Variants in CNOT9 observed in about 807,000 individuals in gnomAD.
CNOT9 encodes RCD1 required for cell differentiation1 homolog.
In CNOT9, 8 loss-of-function variants were observed where a neutral mutation model predicts 37.4. The ratio of observed to expected loss-of-function variants is 0.21; its 90% CI spans 0.13 to 0.39. CNOT9 has a LOEUF of 0.39. CNOT9 is among the 10% of genes least tolerant of loss of function. The probability of loss-of-function intolerance (pLI) is 1.00; values close to 1 mark genes in which losing one functional copy is unlikely to be tolerated. For missense variants in CNOT9, 154 were observed against 365.3 expected (o/e 0.42, Z 4.71); for synonymous variants, 120 against 137.6 (o/e 0.87, Z 0.90).
At chr2:218,581,953 A>G (rs1694400271) in intron 2 of CNOT9, among the ~76,000 whole-genome samples, 1 of 151,798 alleles carries the variant, frequency 6.6e-6, no homozygotes, top group Non-Finnish European at 1.5e-5. Context: ...TTGGTGGTAC[A>G]CTCCTGTAAT....
At chr2:218,574,554 G>A (rs1258243555) in intron 1 of CNOT9, among the ~76,000 whole-genome samples, 4 of 152,142 alleles carry the variant, frequency 2.6e-5, no homozygotes, top group African/African-American at 4.8e-5. Context: ...AGAACTCATC[G>A]ATTCTAGAGA....
intron 5 of CNOT9, among the ~76,000 whole-genome samples, chr2:218,588,314 A>T (rs1288833122): frequency 7.1e-6 from 1 of 140,904 alleles, no homozygotes; most frequent in East Asian, 2.1e-4. Flanking sequence ...TCTGAGATGG[A>T]GTCTTGCTGT....
chr2:218,584,815 A>G (rs979912115), intron 4 of CNOT9, 94 bp downstream of exon 4: 28 of 867,112 alleles, frequency 3.2e-5, no homozygotes, highest in Non-Finnish European at 4.5e-5. Context: ...TTTGTACACC[A>G]GTCATTCATT....
At chr2:218,593,485 G>C in intron 7 of CNOT9, 1 of 1,246,176 alleles carries the variant, frequency 8.0e-7, no homozygotes, top group South Asian at 1.7e-5. Flanking sequence ...CTATAACTTT[G>C]TTTAAAATAG....
Position 218,580,892 on chromosome 2 carries a change from G to A in CNOT9, c.204+152G>A, listed in dbSNP as rs183957340. On this transcript the variant is annotated intron_variant, in intron 2 of 7. Transcript: ENST00000273064. ...TGTTTTAGAAAGGTCTGAGGTATTTGTTAAAATGCAGATTCTTGGATCCTT... is the reference window on the plus strand; with the variant it reads ...TGTTTTAGAAAGGTCTGAGGTATTTATTAAAATGCAGATTCTTGGATCCTT... 211 of 760,618 alleles carry A rather than the reference G, an allele frequency of 2.8e-4. No homozygotes were observed. The African/African-American group carries it at 3.3e-3, about 12-fold the overall frequency. The allele number at this position is 760,618 out of a possible 1,614,324, so 47.1% of individuals were successfully genotyped here. A position where few individuals can be genotyped will look rare whatever the true frequency, so the allele number is the denominator to read the frequency against.
rs1401083549 is a variant in CNOT9 at position 218,568,953 on chromosome 2, A to G, written c.-2A>G. 2 of 1,609,754 alleles carry G rather than the reference A, an allele frequency of 1.2e-6. No individual in the cohort carries two copies. Among genetic ancestry groups the G allele is most frequent in the Non-Finnish European group, 1.7e-6 (2 of 1,178,292 alleles). On this transcript the variant is annotated 5_prime_UTR_variant, in exon 1 of 8. Coordinates refer to ENST00000273064, the MANE Select transcript of CNOT9 (RefSeq NM_005444.3). ...TGGAAGAGAGCGGCGGCCGCTCACA[A>G]CATGCACAGCCTGGCGACGGCTGCG...
At position 218,595,404 on chromosome 2, in the gene CNOT9, C is replaced by CTTTTTTTTTTTTT. The variant is rs57839540; in HGVS notation, c.*1144_*1156dup. ...GAGGGCTGGGTTCTGCTCACTCAGT[C>CTTTTTTTTTTTTT]TTTTTTTTTTTTTTTTTTTTTTTTT... On this transcript the variant is annotated 3_prime_UTR_variant, in exon 8 of 8. Coordinates refer to ENST00000273064, the MANE Select transcript of CNOT9 (RefSeq NM_005444.3). 3.1e-4 allele frequency: 16 copies of CTTTTTTTTTTTTT among 50,940 alleles called. 1 individual carries two copies. The highest frequency in any genetic ancestry group is 1.4e-3 in the South Asian group (1 of 702). 3.2% of individuals were successfully genotyped at this position (50,940 alleles called of 1,614,324 possible). A position where few individuals can be genotyped will look rare whatever the true frequency, so the allele number is the denominator to read the frequency against.
chr2:218,568,902 G>A lies in CNOT9; in HGVS notation c.-53G>A. The stretch of plus-strand genomic sequence containing the variant: ...TTCCGCTGCAGGGGTGCTGAAGGGG[G>A]GACGCGGGTCGGACGCGTCCGGCTG... On this transcript the variant is annotated 5_prime_UTR_variant, in exon 1 of 8. Transcript: ENST00000273064. 2 of 1,587,928 alleles carry A rather than the reference G, an allele frequency of 1.3e-6. No individual in the cohort carries two copies. Among genetic ancestry groups the A allele is most frequent in the South Asian group, 1.1e-5 (1 of 88,556 alleles).
chr2:218,594,587 C>A lies in CNOT9; in HGVS notation c.*311C>A. On this transcript the variant is annotated 3_prime_UTR_variant, in exon 8 of 8. Transcript: ENST00000273064. ...GCATGTCCAAGATGACCCTTCTCCC[C>A]TACCTCTACCTAGCCACTGGCAGGG... is the stretch of plus-strand genomic sequence containing the variant. The A allele has an allele frequency of 3.1e-6, 1 of 322,442 alleles. No individual in the cohort carries two copies. The highest frequency in any genetic ancestry group is 5.2e-5 in the South Asian group (1 of 19,280). The allele number at this position is 322,442 out of a possible 1,614,324, so 20.0% of individuals were successfully genotyped here.
intron 1 of CNOT9, among the ~76,000 whole-genome samples, chr2:218,578,226 T>C (rs1694236717): frequency 6.6e-6 from 1 of 152,258 alleles, no homozygotes; most frequent in African/African-American, 2.4e-5. Flanking sequence ...CAGATTACTG[T>C]AAGGCACTTA....
intron 7 of CNOT9, chr2:218,593,856 T>A: frequency 8.2e-7 from 1 of 1,219,014 alleles, no homozygotes; most frequent in Non-Finnish European, 1.1e-6. Context: ...AAGTAAACTA[T>A]TGAACCTTTT....
At position 218,596,992 on chromosome 2, in the gene CNOT9, A is replaced by G. The variant is rs999223054; in HGVS notation, c.*2716A>G. 8.5e-5 allele frequency: 13 copies of G among 152,102 alleles called. No homozygotes were observed. Among genetic ancestry groups the G allele is most frequent in the African/African-American group, 2.7e-4 (11 of 41,398 alleles). 9.4% of individuals were successfully genotyped at this position (152,102 alleles called of 1,614,324 possible). A position where few individuals can be genotyped will look rare whatever the true frequency, so the allele number is the denominator to read the frequency against. The stretch of plus-strand genomic sequence containing the variant: ...AGCATGCCTTGCTTACTAACTACAT[A>G]TTATTCCTCTGCTCATTGTTCCTGC... On this transcript the variant is annotated 3_prime_UTR_variant, in exon 8 of 8. Transcript: ENST00000273064.
intron 1 of CNOT9, among the ~76,000 whole-genome samples, chr2:218,579,562 C>A (rs1318738721): frequency 6.6e-6 from 1 of 152,192 alleles, no homozygotes; most frequent in Non-Finnish European, 1.5e-5. Flanking sequence ...TCTCGGCTCA[C>A]TGCAACCTCC....
rs753813751 is a variant in CNOT9 at position 218,594,162 on chromosome 2, C to T, written c.786C>T (p.Phe262=). 1.9e-5 allele frequency: 31 copies of T among 1,614,130 alleles called. No individual in the cohort carries two copies. The highest frequency in any genetic ancestry group is 2.5e-5 in the Non-Finnish European group (29 of 1,180,054). ...CTGACCAGCTGAAAGACACAACCTT[C>T]GCCCAGGTGCTAAAAGATGACACCA... The part of the protein sequence containing the change: ...CLPDQLKDTT[F]AQVLKDDTTT... The change falls in exon 8 of 8, where the codon TTC becomes TTT. Residue 262 remains phenylalanine, a synonymous_variant. Transcript: ENST00000273064.
At chr2:218,577,229 A>T (rs1694203849) in intron 1 of CNOT9, among the ~76,000 whole-genome samples, 1 of 152,140 alleles carries the variant, frequency 6.6e-6, no homozygotes, top group Non-Finnish European at 1.5e-5. Flanking sequence ...TTTTATTTTT[A>T]AAAAATTGTA....
intron 1 of CNOT9, among the ~76,000 whole-genome samples, chr2:218,570,327 A>C (rs1342528696): frequency 6.6e-6 from 1 of 152,216 alleles, no homozygotes; most frequent in Admixed American, 6.5e-5. Flanking sequence ...AAATTGCCAT[A>C]CGTTTAAGTA....
At chr2:218,585,558 G>T (rs2106092211) in intron 4 of CNOT9, among the ~76,000 whole-genome samples, 1 of 135,566 alleles carries the variant, frequency 7.4e-6, no homozygotes, top group South Asian at 2.6e-4. Context: ...TCCAGCCTGG[G>T]CGGCAGAGGG....
chr2:218,585,405 TA>T, intron 4 of CNOT9, among the ~76,000 whole-genome samples: 1 of 151,500 alleles, frequency 6.6e-6, no homozygotes, highest in East Asian at 1.9e-4. Context: ...TAGTCTCTAC[TA>T]AAAAAATAAT....
In CNOT9 at chr2:218,592,422, C is replaced by G; in HGVS notation, c.639+20C>G. 1 of 1,575,182 alleles carries G rather than the reference C, an allele frequency of 6.3e-7. No homozygotes were observed. The highest frequency in any genetic ancestry group is 8.7e-7 in the Non-Finnish European group (1 of 1,144,768). On this transcript the variant is annotated intron_variant, in intron 6 of 7. Coordinates refer to ENST00000273064, the MANE Select transcript of CNOT9 (RefSeq NM_005444.3). The surrounding 1 kb of genome is among the most constrained non-coding windows in gnomAD (Gnocchi z 4.1). ...ATCTTGGTGAGTTCTTTCATCTATC[C>G]CCTTTACAACTACTTCTCATCACAA...
Sources: gnomAD v4.1 joint callset for allele counts (sites outside exome capture counted in the v4.1 genomes callset) on GRCh38, gnomAD v4.1.1 for gene constraint, Gnocchi (gnomAD v3.1) non-coding constraint, MANE v1.5 for transcripts, NCBI Gene and HGNC (gene_info 2026-07-23, HGNC 2026-07-21) for gene names.